Variants in ABCB8 observed in about 807,000 individuals in gnomAD.
ABCB8 encodes the protein ATP binding cassette subfamily B member 8, also known as mitochondrial potassium channel ATP-binding subunit.
Under a neutral mutation model 73.0 loss-of-function variants are expected in ABCB8, and 52 were observed. The observed-to-expected ratio is 0.71, with a 90% confidence interval of 0.57 to 0.90. The LOEUF is 0.90. ABCB8 is among the 40% of genes least tolerant of loss of function. ABCB8 has a pLI of 0.00. For synonymous variants in ABCB8, 428 were observed against 423.5 expected (o/e 1.01, Z -0.13); for missense variants, 909 against 974.6 (o/e 0.93, Z 0.90).
At position 151,029,209 on chromosome 7, in the gene ABCB8, G is replaced by A. The variant is rs1031745800; in HGVS notation, c.95+599G>A. ...CCAACTACTTGGAAGGCTGGGGCAG[G>A]AGAATCGCTTCAACCCGGGAGGCGG... is the stretch of plus-strand genomic sequence containing the variant. On this transcript the variant is annotated intron_variant, in intron 1 of 15. Coordinates refer to ENST00000358849, the MANE Select transcript of ABCB8 (RefSeq NM_007188.5). 8.1e-5 allele frequency: 16 copies of A among 197,648 alleles called. 1 individual carries two copies. The highest frequency in any genetic ancestry group is 5.6e-4 in the South Asian group (7 of 12,422). 12.2% of individuals were successfully genotyped at this position (197,648 alleles called of 1,614,324 possible).
chr7:151,039,256 GC>G (rs1181183154), intron 9 of ABCB8: 2 of 151,012 alleles, frequency 1.3e-5, no homozygotes, highest in African/African-American at 4.9e-5. Flanking sequence ...TCAACAGATA[GC>G]TGGCTGGGCT....
chr7:151,028,848 T>A, intron 1 of ABCB8: 1 of 1,546,254 alleles, frequency 6.5e-7, no homozygotes, highest in Non-Finnish European at 8.7e-7. Context: ...GAGGGGACGC[T>A]CGGGGTCAGT....
At chr7:151,034,452 G>T (rs1796248730) in intron 3 of ABCB8, 24 bp downstream of exon 3, 1 of 1,613,704 alleles carries the variant, frequency 6.2e-7, no homozygotes, top group African/African-American at 1.3e-5. Context: ...TGGGGCTGGG[G>T]ACCGCCGAGG....
chr7:151,040,642 C>T lies in ABCB8; in HGVS notation c.1388+8C>T, dbSNP rs199726798. The T allele has an allele frequency of 3.3e-5, 53 of 1,609,946 alleles. No homozygotes were observed. Among genetic ancestry groups the T allele is most frequent in the Admixed American group, 2.2e-4 (13 of 59,870 alleles). On this transcript the variant is annotated splice_region_variant and intron_variant, in intron 11 of 15. Coordinates refer to ENST00000358849, the MANE Select transcript of ABCB8 (RefSeq NM_007188.5). The stretch of plus-strand genomic sequence containing the variant: ...TCAGAACGTCTGCTTCAGGTCAGCA[C>T]GGGTGAGCAGGCGTGGGGATGGGTC...
intron 7 of ABCB8, 42 bp from the exon 8 acceptor site, chr7:151,036,031 C>T: frequency 1.2e-6 from 2 of 1,612,494 alleles, no homozygotes; most frequent in Admixed American, 1.7e-5. Flanking sequence ...ACCCTTCGTG[C>T]CAGCCCAGCT....
In ABCB8 at chr7:151,043,231, T is replaced by C. The variant is rs148647011; in HGVS notation, c.1766-740T>C. ...GTCATCCTGGCCTGAGGCACTGCCATGGCTGGGGAGGGGCATTTGGCAACT... is the reference window on the plus strand; with the variant it reads ...GTCATCCTGGCCTGAGGCACTGCCACGGCTGGGGAGGGGCATTTGGCAACT... On this transcript the variant is annotated intron_variant, in intron 14 of 15. Coordinates refer to ENST00000358849, the MANE Select transcript of ABCB8 (RefSeq NM_007188.5). 7.9e-3 allele frequency among the ~76,000 whole-genome samples: 1,205 copies of C among 152,230 alleles called. 12 individuals carry two copies. The highest frequency in any genetic ancestry group is 0.028 in the African/African-American group (1,151 of 41,542).
In ABCB8 at chr7:151,028,575, A is replaced by G; in HGVS notation, c.60A>G (p.Leu20=). The G allele has an allele frequency of 1.2e-6, 2 of 1,613,816 alleles. No individual in the cohort carries two copies. Among genetic ancestry groups the G allele is most frequent in the Non-Finnish European group, 1.7e-6 (2 of 1,179,984 alleles). ...IRGGPFPGRL[L]PPLRFQTFSA... ...GTGGCCCATTCCCAGGCAGGCTGCT[A>G]CCGCCCCTCCGCTTCCAGACATTCT... Residue 20 remains leucine (L), a synonymous_variant, in exon 1 of 16, where the codon CTA becomes CTG. Transcript: ENST00000358849.
intron 15 of ABCB8, among the ~76,000 whole-genome samples, chr7:151,044,600 C>T (rs1463670115): frequency 3.9e-5 from 6 of 152,100 alleles, no homozygotes; most frequent in Admixed American, 2.6e-4. Context: ...AAAAATTAGC[C>T]GGATGTGGTG....
At chr7:151,037,309 A>T (rs1182215245) in intron 9 of ABCB8, 1 of 702,818 alleles carries the variant, frequency 1.4e-6, no homozygotes, top group Non-Finnish European at 2.6e-6. Flanking sequence ...GCATGGAAGG[A>T]CCATCCTTGA....
At chr7:151,029,488 CTTTTCTTTTCTTTTCTTTTCT>C (rs1162603837) in intron 1 of ABCB8, 2 of 116,598 alleles carry the variant, frequency 1.7e-5, no homozygotes, top group African/African-American at 7.3e-5. Flanking sequence ...TTTTTCTTTT[CTTTTCTTTTCTTTTCTTTTCT>C]TTTTTTTTTT....
At chr7:151,036,269 C>A in intron 8 of ABCB8, 99 bp downstream of exon 8, 1 of 1,221,200 alleles carries the variant, frequency 8.2e-7, no homozygotes, top group Non-Finnish European at 1.1e-6. Flanking sequence ...CTGCTGGCTG[C>A]CTGCATTCGC....
intron 1 of ABCB8, among the ~76,000 whole-genome samples, chr7:151,030,167 TAGTC>T (rs1171092461): frequency 6.6e-6 from 1 of 152,232 alleles, no homozygotes. Context: ...ATGTGTTCAT[TAGTC>T]AGTATTTTTC....
intron 15 of ABCB8, 46 bp downstream of exon 15, chr7:151,044,267 A>G (rs1290119599): frequency 1.3e-6 from 2 of 1,577,860 alleles, no homozygotes; most frequent in South Asian, 2.2e-5. Flanking sequence ...GGATGGCTTC[A>G]TCACGGACAG....
At position 151,044,112 on chromosome 7, in the gene ABCB8, C is replaced by A; in HGVS notation, c.1907C>A (p.Ala636Asp). Residue 636 changes from alanine (A) to aspartate (D), a missense_variant, in exon 15 of 16, where the codon GCC becomes GAC. Coordinates refer to ENST00000358849, the MANE Select transcript of ABCB8 (RefSeq NM_007188.5). ...DAESERVVQEALDRASAGRTV... is the reference protein window; with the variant it reads ...DAESERVVQEDLDRASAGRTV... ...GAGTCCGAGCGGGTTGTACAGGAGG[C>A]CCTGGACCGGGCCAGTGCAGGCCGC... The A allele has an allele frequency of 1.2e-6, 2 of 1,613,910 alleles. No homozygotes were observed. The highest frequency in any genetic ancestry group is 1.7e-6 in the Non-Finnish European group (2 of 1,179,966).
At chr7:151,039,131 G>A (rs1177559523) in intron 9 of ABCB8, 3 of 152,264 alleles carry the variant, frequency 2.0e-5, no homozygotes, top group East Asian at 1.9e-4. Flanking sequence ...GCCCCTGAGA[G>A]CAGGGTCATC....
In ABCB8 at chr7:151,045,534, TC is replaced by T; in HGVS notation, c.*189del. 1 of 660,788 alleles carries T rather than the reference TC, an allele frequency of 1.5e-6. No individual in the cohort carries two copies. The highest frequency in any genetic ancestry group is 2.2e-6 in the Non-Finnish European group (1 of 451,364). The allele number at this position is 660,788 out of a possible 1,614,324, so 40.9% of individuals were successfully genotyped here. On this transcript the variant is annotated 3_prime_UTR_variant, in exon 16 of 16. Coordinates refer to ENST00000358849, the MANE Select transcript of ABCB8 (RefSeq NM_007188.5). ...AGGGGAGGCCAATCCCTCCCTCCCC[TC>T]CCCAGTCCTGCCGGCTGCCTCCCTC...
intron 1 of ABCB8, among the ~76,000 whole-genome samples, chr7:151,030,290 C>T (rs530895018): frequency 6.7e-6 from 1 of 149,644 alleles, no homozygotes; most frequent in Non-Finnish European, 1.5e-5. Context: ...CCAAGGCAGG[C>T]GATCACCTGA....
chr7:151,042,342 G>A (rs894519155), intron 14 of ABCB8, among the ~76,000 whole-genome samples: 1 of 152,198 alleles, frequency 6.6e-6, no homozygotes, highest in Non-Finnish European at 1.5e-5. Context: ...GCAGAGACAG[G>A]ACGGGCTCTA....
chr7:151,028,995 G>A (rs1796061802), intron 1 of ABCB8: 10 of 1,220,702 alleles, frequency 8.2e-6, no homozygotes, highest in Non-Finnish European at 1.0e-5. Flanking sequence ...AAAGTGAGTC[G>A]AAGAAGAACT....
Sources: allele counts gnomAD v4.1 joint callset (sites outside exome capture counted in the v4.1 genomes callset), GRCh38; gene constraint gnomAD v4.1.1; transcripts MANE v1.5; gene names NCBI Gene and HGNC (gene_info 2026-07-23, HGNC 2026-07-21).